The following HERC2 variants were observed in gnomAD, a reference collection of about 807,000 sequenced individuals.
HERC2 encodes E3 ubiquitin-protein ligase HERC2.
In HERC2, 102 loss-of-function variants were observed where a neutral mutation model predicts 537.7. The observed-to-expected ratio is 0.19, with a 90% CI of 0.16 to 0.22. The LOEUF (loss-of-function observed/expected upper bound fraction) is 0.22, where lower values mean the gene tolerates loss of function less well. HERC2 is among the 10% of genes least tolerant of loss of function. The pLI is 1.00. For missense variants in HERC2, 4,236 were observed against 6,198.2 expected, an observed-to-expected ratio of 0.68 and a Z score of 10.63; for synonymous variants, 2,224 against 2,466.2, an observed-to-expected ratio of 0.90 and a Z score of 2.91.
At chr15:28,315,293 C>T (rs917125956) in intron 2 of HERC2, among the ~76,000 whole-genome samples, 3 of 152,254 alleles carry the variant, frequency 2.0e-5, no homozygotes, top group Admixed American at 6.5e-5. Flanking sequence ...ACCTTCCAGG[C>T]TGTGTCACTG....
intron 9 of HERC2, among the ~76,000 whole-genome samples, chr15:28,271,741 C>CA (rs2075734767): frequency 6.6e-6 from 1 of 152,120 alleles, no homozygotes; most frequent in Admixed American, 6.5e-5. Context: ...AAGACTTTCC[C>CA]AAAAAGACTG....
At chr15:28,123,290 G>A (rs1391863569) in intron 85 of HERC2, among the ~76,000 whole-genome samples, 1 of 152,154 alleles carries the variant, frequency 6.6e-6, no homozygotes, top group African/African-American at 2.4e-5. Context: ...ACTAAGAATG[G>A]GCCATAATAT....
At chr15:28,114,838 C>T (rs1047729925) in intron 89 of HERC2, 36 bp from the exon 90 acceptor site, 26 of 1,575,698 alleles carry the variant, frequency 1.7e-5, no homozygotes, top group African/African-American at 6.8e-5. Flanking sequence ...TGTGTCGACT[C>T]ACGGCTCATC....
intron 2 of HERC2, among the ~76,000 whole-genome samples, chr15:28,301,130 C>G (rs1274664164): frequency 6.6e-6 from 1 of 151,772 alleles, no homozygotes; most frequent in Non-Finnish European, 1.5e-5. Flanking sequence ...TTTCCTCAAA[C>G]ATGGCCAGGT....
chr15:28,321,512 A>G, intron 1 of HERC2, 48 bp from the exon 2 acceptor site: 1 of 976,382 alleles, frequency 1.0e-6, no homozygotes, highest in Admixed American at 1.8e-5. Context: ...TTAATAGTTT[A>G]CAAAGACACT....
chr15:28,259,537 C>T (rs1268592850), intron 16 of HERC2, among the ~76,000 whole-genome samples: 1 of 152,126 alleles, frequency 6.6e-6, no homozygotes, highest in Non-Finnish European at 1.5e-5. Flanking sequence ...GGTCAGCTTT[C>T]CCCTGATAGA....
At chr15:28,237,748 A>G (rs972558883) in intron 25 of HERC2, among the ~76,000 whole-genome samples, 21 of 152,214 alleles carry the variant, frequency 1.4e-4, no homozygotes, top group Non-Finnish European at 2.5e-4. Flanking sequence ...TAGGAAGGAC[A>G]TATTTCTACT....
intron 5 of HERC2, 45 bp from the exon 6 acceptor site, chr15:28,275,050 G>A (rs1347077661): frequency 2.4e-6 from 3 of 1,256,338 alleles, no homozygotes; most frequent in Non-Finnish European, 3.5e-6. Context: ...AGCAGCAGAG[G>A]GTGCAGATAC....
intron 56 of HERC2, among the ~76,000 whole-genome samples, chr15:28,185,115 C>A (rs769497055): frequency 2.4e-4 from 37 of 151,100 alleles, no homozygotes; most frequent in Non-Finnish European, 4.4e-4. Context: ...ATACTATTTT[C>A]TTTTCAACTT....
rs780959783 is a variant in HERC2 at position 28,168,515 on chromosome 15, G to C, written c.10305C>G (p.Ala3435=). ...PVECPSFSSA[A]PSDASAMASP... ...TAGCCATCGCAGATGCGTCGGAAGG[G>C]GCCGCCGAGGAGAACGAGGGGCACT... The change falls in exon 67 of 93, where the codon GCC becomes GCG. Residue 3435 remains alanine, a synonymous_variant. Coordinates refer to ENST00000261609, the MANE Select transcript of HERC2 (RefSeq NM_004667.6). 3.1e-6 allele frequency: 5 copies of C among 1,614,152 alleles called. No individual in the cohort carries two copies. The highest frequency in any genetic ancestry group is 4.5e-5 in the East Asian group (2 of 44,874).
chr15:28,316,373 C>A (rs537987604), intron 2 of HERC2, among the ~76,000 whole-genome samples: 1 of 151,976 alleles, frequency 6.6e-6, no homozygotes, highest in African/African-American at 2.4e-5. Flanking sequence ...GGCACAGTGG[C>A]TCATACATGT....
intron 69 of HERC2, among the ~76,000 whole-genome samples, chr15:28,154,667 T>G (rs1173254798): frequency 6.6e-6 from 1 of 152,110 alleles, no homozygotes; most frequent in African/African-American, 2.4e-5. Context: ...AGCAGTAACC[T>G]CTCAGCCTCA....
intron 4 of HERC2, among the ~76,000 whole-genome samples, chr15:28,284,626 G>C (rs888346318): frequency 6.6e-6 from 1 of 152,020 alleles, no homozygotes; most frequent in African/African-American, 2.4e-5. Context: ...TCAGAGCAAA[G>C]ATAATTACCA....
intron 44 of HERC2, among the ~76,000 whole-genome samples, chr15:28,206,832 CAAAAAAAAA>C (rs71132838): frequency 1.4e-4 from 7 of 51,460 alleles, no homozygotes; most frequent in Admixed American, 3.5e-4. Context: ...GACTCGGTCT[CAAAAAAAAA>C]AAAAAAAAAA....
At chr15:28,296,521 CAT>C (rs774157636) in intron 3 of HERC2, among the ~76,000 whole-genome samples, 3 of 151,988 alleles carry the variant, frequency 2.0e-5, no homozygotes, top group Non-Finnish European at 4.4e-5. Context: ...ATGAATAAAA[CAT>C]ATACTTTGGA....
chr15:28,164,086 C>G (rs902252543), intron 68 of HERC2, among the ~76,000 whole-genome samples: 3 of 152,342 alleles, frequency 2.0e-5, no homozygotes, highest in African/African-American at 7.2e-5. Flanking sequence ...CCGCTTCCGA[C>G]CCAGCATGGG....
At chr15:28,289,975 C>T (rs1319783829) in intron 4 of HERC2, among the ~76,000 whole-genome samples, 2 of 151,782 alleles carry the variant, frequency 1.3e-5, no homozygotes, top group Non-Finnish European at 2.9e-5. Flanking sequence ...GAGAGGACAA[C>T]ACACCTCAGT....
At chr15:28,289,547 A>G (rs1259781187) in intron 4 of HERC2, among the ~76,000 whole-genome samples, 1 of 152,118 alleles carries the variant, frequency 6.6e-6, no homozygotes, top group East Asian at 1.9e-4. Context: ...CGATGGAGAT[A>G]CTCCTGGGAA....
At position 28,321,622 on chromosome 15, in the gene HERC2, T is replaced by C. The variant is rs2077232131; in HGVS notation, c.-31-158A>G. 4.1e-5 allele frequency among the ~76,000 whole-genome samples: 5 copies of C among 122,056 alleles called. No homozygotes were observed. The South Asian group carries it at 1.5e-3, about 36-fold the overall frequency. 80.1% of individuals were successfully genotyped at this position (122,056 alleles called of 152,430 possible). On this transcript the variant is annotated intron_variant, in intron 1 of 92. Transcript: ENST00000261609. ...GGGAGAGAGGGAAAGAGGGAAGAGA[T>C]GGAGGGAGAGGGAGGTGGGGAAGGG... is the stretch of plus-strand genomic sequence containing the variant.
Sources: gnomAD v4.1 joint callset for allele counts (sites outside exome capture counted in the v4.1 genomes callset) on GRCh38, gnomAD v4.1.1 for gene constraint, MANE v1.5 for transcripts, NCBI Gene and HGNC (gene_info 2026-07-23, HGNC 2026-07-21) for gene names.